SPINK6: variants seen among roughly 807,000 people sequenced by gnomAD.
The protein encoded by SPINK6 is serine peptidase inhibitor Kazal type 6.
Under a neutral mutation model 11.7 loss-of-function variants are expected in SPINK6, and 13 were observed. The ratio of observed to expected loss-of-function variants is 1.11; its 90% CI spans 0.72 to 1.76. SPINK6 has a LOEUF of 1.76. Ranked by LOEUF, SPINK6 falls within the 40% of genes most tolerant of loss-of-function variation. The pLI is 0.00. For synonymous variants in SPINK6, 21 were observed against 31.9 expected, an observed-to-expected ratio of 0.66 and a Z score of 1.15; for missense variants, 98 against 93.7, an observed-to-expected ratio of 1.05 and a Z score of -0.19.
rs1755664431 is a variant in SPINK6, at chr5:148,215,087, A to G, written c.*137A>G. The G allele has an allele frequency of 3.0e-5, 20 of 676,316 alleles. No individual in the cohort carries two copies. The highest frequency in any genetic ancestry group is 4.8e-5 in the Non-Finnish European group (19 of 394,574). The allele number at this position is 676,316 out of a possible 1,614,324, so 41.9% of individuals were successfully genotyped here. A position where few individuals can be genotyped will look rare whatever the true frequency, so the allele number is the denominator to read the frequency against. On this transcript the variant is annotated 3_prime_UTR_variant, in exon 4 of 4. Transcript: ENST00000325630. ...GCCTGGGTCTTGAGGAGTTCAATGTATGTCTATTTCTCTTGATTCACTTGT... is the reference window on the plus strand; with the variant it reads ...GCCTGGGTCTTGAGGAGTTCAATGTGTGTCTATTTCTCTTGATTCACTTGT...
rs757491800 is a variant in SPINK6, at chr5:148,213,955, G to C, written c.127G>C (p.Glu43Gln). The C allele has an allele frequency of 5.0e-6, 8 of 1,613,734 alleles. No homozygotes were observed. In the Admixed American group the frequency reaches 8.3e-5, roughly 17 times the overall value. ...FQDPKVYCTR[E>Q]SNPHCGSDGQ... is the part of the protein sequence containing the mutation. The stretch of plus-strand genomic sequence containing the variant: ...GGACCCCAAGGTCTACTGCACTCGG[G>C]AATCTAACCCACACTGTGGCTCTGA... Residue 43 changes from glutamate to glutamine, a missense_variant, in exon 3 of 4, where the codon GAA (glutamate) becomes CAA (glutamine). Transcript: ENST00000325630.
At chr5:148,205,259 T>C (rs983731901) in intron 1 of SPINK6, among the ~76,000 whole-genome samples, 1 of 152,144 alleles carries the variant, frequency 6.6e-6, no homozygotes, top group African/African-American at 2.4e-5. Flanking sequence ...GTCAGAGGGA[T>C]TGGGAAAGGA....
chr5:148,202,827 T>G, upstream of SPINK6: 1 of 345,620 alleles, frequency 2.9e-6, no homozygotes. Flanking sequence ...GCCGGGAGGA[T>G]GTATTGGTTG....
chr5:148,212,522 AG>A (rs1381888770), intron 2 of SPINK6, among the ~76,000 whole-genome samples: 3 of 126,368 alleles, frequency 2.4e-5, no homozygotes, highest in Non-Finnish European at 4.7e-5. Flanking sequence ...ATATATATAA[AG>A]TATATATTTT....
intron 2 of SPINK6, among the ~76,000 whole-genome samples, chr5:148,211,639 C>CAGA (rs1304672012): frequency 1.3e-5 from 2 of 152,226 alleles, no homozygotes; most frequent in South Asian, 2.1e-4. Context: ...CAAGATAACA[C>CAGA]AGACAGTCAA....
chr5:148,209,998 G>A (rs1329659510), intron 2 of SPINK6, among the ~76,000 whole-genome samples: 1 of 135,298 alleles, frequency 7.4e-6, no homozygotes, highest in African/African-American at 2.9e-5. Flanking sequence ...ACATATACAC[G>A]TATGTATACA....
At chr5:148,210,957 TAGAC>T (rs1432781128) in intron 2 of SPINK6, among the ~76,000 whole-genome samples, 1 of 152,204 alleles carries the variant, frequency 6.6e-6, no homozygotes, top group African/African-American at 2.4e-5. Flanking sequence ...TTGTCAGTAA[TAGAC>T]AGAAGAGATG....
At chr5:148,209,969 T>TACGTATGTATGTATGTATACAC (rs1561732069) in intron 2 of SPINK6, among the ~76,000 whole-genome samples, 1 of 126,610 alleles carries the variant, frequency 7.9e-6, no homozygotes, top group Non-Finnish European at 1.7e-5. Flanking sequence ...TATACATACA[T>TACGTATGTATGTATGTATACAC]ACGTACGTAT....
chr5:148,206,570 G>A (rs578190247), intron 2 of SPINK6, among the ~76,000 whole-genome samples: 1 of 152,290 alleles, frequency 6.6e-6, no homozygotes, highest in Admixed American at 6.5e-5. Flanking sequence ...ACTGAAAGTA[G>A]ATAAGAAACT....
Sources: allele counts gnomAD v4.1 joint callset (sites outside exome capture counted in the v4.1 genomes callset), GRCh38; gene constraint gnomAD v4.1.1; transcripts MANE v1.5; gene names NCBI Gene and HGNC (gene_info 2026-07-23, HGNC 2026-07-21).